TENM3: variants seen among roughly 807,000 people sequenced by gnomAD.
The protein encoded by TENM3 is teneurin-3.
TENM3 carries 63 observed loss-of-function variants against 255.1 expected under a neutral mutation model. The observed-to-expected ratio is 0.25, with a 90% CI of 0.20 to 0.30. The LOEUF is 0.30. Ranked by LOEUF, TENM3 falls within the 10% of genes least tolerant of loss-of-function variation. TENM3 has a pLI of 1.00. For synonymous variants in TENM3, 1,306 were observed against 1,322.3 expected, an observed-to-expected ratio of 0.99 and a Z score of 0.27; for missense variants, 2,929 against 3,461.1, an observed-to-expected ratio of 0.85 and a Z score of 3.86.
chr4:182,116,741 A>T, the TENM3 span, among the ~76,000 whole-genome samples: 14,918 of 152,262 alleles, frequency 0.098, 999 homozygotes, highest in South Asian at 0.16. Flanking sequence ...CAGATAGGTC[A>T]TTTGTTTTTA....
chr4:182,097,360 G>A, the TENM3 span, among the ~76,000 whole-genome samples: 462 of 152,160 alleles, frequency 3.0e-3, 2 homozygotes, highest in African/African-American at 0.01. Context: ...CCTCTGAAGT[G>A]TTTCTTCTTC....
rs753345698 is a variant in TENM3 at position 182,792,929 on chromosome 4, G to A, written c.6257G>A (p.Arg2086His). 199 of 1,613,628 alleles carry A rather than the reference G, an allele frequency of 1.2e-4. No homozygotes were observed. The highest frequency in any genetic ancestry group is 4.0e-4 in the South Asian group (36 of 91,032). Residue 2086 changes from arginine to histidine, a missense_variant, in exon 26 of 28, where the codon CGT becomes CAT. Transcript: ENST00000511685. This position sits in a 1 kb window ranked among gnomAD's most constrained non-coding sequence, Gnocchi z 6.3. Reference protein sequence around the residue: ...TYTKHFDAHGRIKEIQYEIFR... With the variant: ...TYTKHFDAHGHIKEIQYEIFR... The stretch of plus-strand genomic sequence containing the variant: ...ACGAAGCACTTTGATGCTCATGGCC[G>A]TATCAAGGAGATTCAATATGAGATA...
chr4:182,514,146 C>T (rs188087745), intron 3 of TENM3, among the ~76,000 whole-genome samples: 1 of 152,318 alleles, frequency 6.6e-6, no homozygotes, highest in African/African-American at 2.4e-5. Context: ...TTCTACTCTG[C>T]TGGCCTTACT....
chr4:181,477,045 G>A, the TENM3 span, among the ~76,000 whole-genome samples: 1 of 149,626 alleles, frequency 6.7e-6, no homozygotes, highest in African/African-American at 2.5e-5. Flanking sequence ...ATTTGCTCAA[G>A]AGAAGAAAGG....
chr4:181,462,607 TG>T, the TENM3 span, among the ~76,000 whole-genome samples: 1 of 152,240 alleles, frequency 6.6e-6, no homozygotes, highest in Non-Finnish European at 1.5e-5. Flanking sequence ...ATGATATATC[TG>T]GTCCATGTTA....
At chr4:182,608,352 T>C (rs10050259) in intron 4 of TENM3, among the ~76,000 whole-genome samples, 147,070 of 152,274 alleles carry the variant, frequency 0.97, 71,236 homozygotes, top group East Asian at 1. Flanking sequence ...CTCCCATCTC[T>C]GGTTCAAGCA....
chr4:182,190,664 C>CT (rs953671100), intron 1 of TENM3, among the ~76,000 whole-genome samples: 81 of 151,976 alleles, frequency 5.3e-4, no homozygotes, highest in Admixed American at 5.1e-3. Context: ...TCTGACTTTT[C>CT]TTTTTTTTCT....
At chr4:181,473,745 G>T in the TENM3 span, among the ~76,000 whole-genome samples, 2 of 136,568 alleles carry the variant, frequency 1.5e-5, no homozygotes, top group Non-Finnish European at 3.0e-5. Flanking sequence ...TGACAAAATT[G>T]TAATTATATA....
chr4:181,523,118 T>A, the TENM3 span: 4 of 444,242 alleles, frequency 9.0e-6, no homozygotes, highest in South Asian at 7.5e-5. Flanking sequence ...TAGTTTAACA[T>A]CATGTATTTG....
the TENM3 span, among the ~76,000 whole-genome samples, chr4:181,460,563 G>A: frequency 6.7e-6 from 1 of 148,950 alleles, no homozygotes; most frequent in Non-Finnish European, 1.5e-5. Flanking sequence ...ACTATATTTT[G>A]CCATTTGCCC....
chr4:181,584,821 C>T, the TENM3 span, among the ~76,000 whole-genome samples: 1 of 152,094 alleles, frequency 6.6e-6, no homozygotes, highest in Non-Finnish European at 1.5e-5. Context: ...GCCTAATGAA[C>T]ATTTTTCCTT....
At chr4:181,652,288 A>G in the TENM3 span, among the ~76,000 whole-genome samples, 1 of 152,150 alleles carries the variant, frequency 6.6e-6, no homozygotes, top group Non-Finnish European at 1.5e-5. Context: ...GCAATGTTGC[A>G]CTTTGCAGAA....
At chr4:181,467,117 ATATATATATTTTTTTTT>A in the TENM3 span, among the ~76,000 whole-genome samples, 1 of 30,554 alleles carries the variant, frequency 3.3e-5, no homozygotes. Context: ...ATATATATAT[ATATATATATTTTTTTTT>A]TTTTTTTTTT....
intron 24 of TENM3, among the ~76,000 whole-genome samples, chr4:182,778,378 C>G (rs563951680): frequency 6.6e-6 from 1 of 152,132 alleles, no homozygotes; most frequent in Non-Finnish European, 1.5e-5. Context: ...GTCACATTTG[C>G]GTAGTGGCCT....
intron 3 of TENM3, among the ~76,000 whole-genome samples, chr4:182,480,272 C>T (rs974444022): frequency 1.3e-5 from 2 of 151,936 alleles, no homozygotes; most frequent in South Asian, 2.1e-4. Context: ...CAAGTAAAAT[C>T]TTGAGTGGAG....
At chr4:181,702,123 A>C in the TENM3 span, among the ~76,000 whole-genome samples, 13 of 152,190 alleles carry the variant, frequency 8.5e-5, no homozygotes, top group Non-Finnish European at 1.8e-4. Flanking sequence ...TCAACACTGT[A>C]GGTTGTGACG....
At chr4:181,669,315 G>A in the TENM3 span, among the ~76,000 whole-genome samples, 1 of 151,986 alleles carries the variant, frequency 6.6e-6, no homozygotes, top group African/African-American at 2.4e-5. Context: ...TTTGATGAAG[G>A]GATTCCCAGA....
intron 1 of TENM3, among the ~76,000 whole-genome samples, chr4:182,186,843 A>G (rs1381921912): frequency 1.6e-5 from 2 of 125,776 alleles, no homozygotes; most frequent in Non-Finnish European, 3.2e-5. Context: ...AATTTGTGTT[A>G]GACACCTCAT....
the TENM3 span, among the ~76,000 whole-genome samples, chr4:181,746,895 A>T: frequency 6.6e-6 from 1 of 151,974 alleles, no homozygotes; most frequent in South Asian, 2.1e-4. Flanking sequence ...GTGTGCCAAA[A>T]TGTATTTAGT....
Sources: gnomAD v4.1 joint callset for allele counts (sites outside exome capture counted in the v4.1 genomes callset) on GRCh38, gnomAD v4.1.1 for gene constraint, Gnocchi (gnomAD v3.1) non-coding constraint, MANE v1.5 for transcripts, NCBI Gene and HGNC (gene_info 2026-07-23, HGNC 2026-07-21) for gene names.